Variants in RAB3GAP2 observed in about 807,000 individuals in gnomAD.
RAB3GAP2 encodes the protein rab3 GTPase-activating protein non-catalytic subunit.
Under a neutral mutation model 185.3 loss-of-function variants are expected in RAB3GAP2, and 87 were observed. The observed-to-expected ratio is 0.47, with a 90% CI of 0.39 to 0.56. RAB3GAP2 has a LOEUF of 0.56. Ranked by LOEUF, RAB3GAP2 falls within the 20% of genes least tolerant of loss-of-function variation. RAB3GAP2 has a pLI of 0.00. For synonymous variants in RAB3GAP2, 554 were observed against 576.1 expected, an observed-to-expected ratio of 0.96 and a Z score of 0.55; for missense variants, 1,492 against 1,638.2, an observed-to-expected ratio of 0.91 and a Z score of 1.54.
chr1:220,190,648 C>G (rs11118499), intron 14 of RAB3GAP2, 128 bp from the exon 15 acceptor site: 2 of 914,800 alleles, frequency 2.2e-6, no homozygotes, highest in Non-Finnish European at 3.4e-6. Flanking sequence ...CAACTAAATA[C>G]TGATAGCAAG....
At chr1:220,266,672 C>T in intron 1 of RAB3GAP2, 1 of 1,531,514 alleles carries the variant, frequency 6.5e-7, no homozygotes, top group Non-Finnish European at 9.0e-7. Context: ...TACAGCAGCC[C>T]TGGCTCAAGG....
At chr1:220,182,447 C>T in intron 20 of RAB3GAP2, 93 bp from the exon 21 acceptor site, 1 of 1,565,724 alleles carries the variant, frequency 6.4e-7, no homozygotes, top group Non-Finnish European at 8.6e-7. Flanking sequence ...TCCAGAGAAA[C>T]AAAACATTAT....
At chr1:220,184,276 T>C (rs1658470362) in intron 18 of RAB3GAP2, 113 bp from the exon 19 acceptor site, 2 of 1,012,382 alleles carry the variant, frequency 2.0e-6, no homozygotes, top group South Asian at 1.6e-5. Flanking sequence ...CTCTGATGTA[T>C]TAAATACTGA....
intron 1 of RAB3GAP2, chr1:220,253,983 C>T (rs1361515836): frequency 1.2e-6 from 2 of 1,613,562 alleles, no homozygotes; most frequent in Non-Finnish European, 8.5e-7. Flanking sequence ...AGAAAAGGGC[C>T]CGGGTAGATC....
rs1413455834 is a variant in RAB3GAP2 at position 220,185,679 on chromosome 1, C to CCT, written c.1841_1842insAG (p.Thr615GlyfsTer3). The stretch of plus-strand genomic sequence containing the variant: ...GACTTTTTAAAGTGTCCATTAAAGT[C>CCT]TGAGTGATGTTTCTAAGGCAAGAAA... On this transcript the variant is annotated frameshift_variant, in exon 18 of 35. Transcript: ENST00000358951. LOFTEE classifies it high-confidence loss of function. The CCT allele has an allele frequency of 6.2e-7, 1 of 1,612,126 alleles. No homozygotes were observed. Among genetic ancestry groups the CCT allele is most frequent in the Admixed American group, 1.7e-5 (1 of 59,950 alleles).
At chr1:220,244,071 A>G (rs1659752953) in intron 1 of RAB3GAP2, among the ~76,000 whole-genome samples, 1 of 152,222 alleles carries the variant, frequency 6.6e-6, no homozygotes, top group African/African-American at 2.4e-5. Flanking sequence ...CTAATCAGAC[A>G]AGAGAAAGAA....
rs2102848861 is a variant in RAB3GAP2 at position 220,151,705 on chromosome 1, C to T, written c.3927G>A (p.Gly1309=). ...VLASQLLVLT[G]QRLAHALLHT... ...GGAGAAGCGCATGAGCCAGCCTTTGCCCCGTGAGCACCAGCAGCTGAGAGG... is the reference window on the plus strand; with the variant it reads ...GGAGAAGCGCATGAGCCAGCCTTTGTCCCGTGAGCACCAGCAGCTGAGAGG... Residue 1309 remains glycine, a synonymous_variant, in exon 34 of 35, where the codon GGG becomes GGA. Transcript: ENST00000358951. 6.2e-7 allele frequency: 1 copy of T among 1,611,898 alleles called. No individual in the cohort carries two copies. The highest frequency in any genetic ancestry group is 8.5e-7 in the Non-Finnish European group (1 of 1,177,984).
chr1:220,247,363 T>A (rs1265694217), intron 1 of RAB3GAP2, among the ~76,000 whole-genome samples: 1 of 152,148 alleles, frequency 6.6e-6, no homozygotes, highest in Non-Finnish European at 1.5e-5. Flanking sequence ...TAAGTGCCCA[T>A]CAACCAACAA....
At position 220,157,389 on chromosome 1, in the gene RAB3GAP2, C is replaced by G; in HGVS notation, c.3436G>C (p.Glu1146Gln). Reference protein sequence around the residue: ...GPISIVELALEQKHIHYPLVE... With the variant: ...GPISIVELALQQKHIHYPLVE... Reference sequence around the variant, plus strand: ...AGTGGGTAGTGGATGTGCTTCTGTTCAAGGGCCAGTTCCACTATGGAGATT... The same window carrying G: ...AGTGGGTAGTGGATGTGCTTCTGTTGAAGGGCCAGTTCCACTATGGAGATT... The change falls in exon 31 of 35, where the codon GAA becomes CAA. Residue 1146 changes from glutamate (E) to glutamine (Q), a missense_variant. By Grantham distance (29) the Glu-to-Gln change is conservative. Coordinates refer to ENST00000358951, the MANE Select transcript of RAB3GAP2 (RefSeq NM_012414.4). The G allele has an allele frequency of 6.2e-7, 1 of 1,613,868 alleles. No homozygotes were observed. The highest frequency in any genetic ancestry group is 8.5e-7 in the Non-Finnish European group (1 of 1,179,964).
chr1:220,189,673 C>A, intron 17 of RAB3GAP2, 30 bp downstream of exon 17: 1 of 1,542,440 alleles, frequency 6.5e-7, no homozygotes, highest in Non-Finnish European at 8.8e-7. Flanking sequence ...TAGCTACTAG[C>A]AGGAAAGTTC....
intron 9 of RAB3GAP2, among the ~76,000 whole-genome samples, chr1:220,199,330 AT>A (rs143641770): frequency 0.07 from 10,684 of 152,228 alleles, 510 homozygotes; most frequent in South Asian, 0.14. Flanking sequence ...CTGGGAATCT[AT>A]TTCTTATGCT....
chr1:220,178,247 A>G (rs2102862944), intron 21 of RAB3GAP2, among the ~76,000 whole-genome samples: 1 of 152,310 alleles, frequency 6.6e-6, no homozygotes, highest in Non-Finnish European at 1.5e-5. Flanking sequence ...GAGACAAACG[A>G]AAGCTGAGGG....
intron 29 of RAB3GAP2, 64 bp from the exon 30 acceptor site, chr1:220,157,940 A>G (rs1224500486): frequency 1.6e-6 from 2 of 1,259,250 alleles, no homozygotes; most frequent in East Asian, 2.4e-5. Flanking sequence ...CTGTCAGCCA[A>G]ACAAGAACCA....
chr1:220,184,010 A>G (rs763697036), intron 19 of RAB3GAP2, 26 bp downstream of exon 19: 49 of 1,445,438 alleles, frequency 3.4e-5, no homozygotes, highest in Non-Finnish European at 4.4e-5. Context: ...ATTATTTTAT[A>G]TAATATAAAA....
chr1:220,160,864 C>T (rs1247917357), intron 28 of RAB3GAP2, among the ~76,000 whole-genome samples: 1 of 152,156 alleles, frequency 6.6e-6, no homozygotes, highest in Non-Finnish European at 1.5e-5. Flanking sequence ...CTTTGAGGGC[C>T]AGGACCATAA....
chr1:220,222,512 T>C (rs1374487956), intron 2 of RAB3GAP2, among the ~76,000 whole-genome samples: 1 of 152,156 alleles, frequency 6.6e-6, no homozygotes, highest in African/African-American at 2.4e-5. Flanking sequence ...TCTTTCTAAA[T>C]TTGATTTGAA....
Position 220,272,377 on chromosome 1 carries a change from C to A in RAB3GAP2, c.-40G>T. 1 of 1,425,350 alleles carries A rather than the reference C, an allele frequency of 7.0e-7. No individual in the cohort carries two copies. Among genetic ancestry groups the A allele is most frequent in the Non-Finnish European group, 9.8e-7 (1 of 1,023,288 alleles). The allele number at this position is 1,425,350 out of a possible 1,614,324, so 88.3% of individuals were successfully genotyped here. The stretch of plus-strand genomic sequence containing the variant: ...CCACTACGGCACTCACCTTACCTCA[C>A]CACGCCCTGCCCCCTCCACCCCACT... On this transcript the variant is annotated 5_prime_UTR_variant, in exon 1 of 35. Transcript: ENST00000358951.
At chr1:220,151,920 C>T (rs1355922674) in intron 33 of RAB3GAP2, among the ~76,000 whole-genome samples, 156 bp from the exon 34 acceptor site, 1 of 152,172 alleles carries the variant, frequency 6.6e-6, no homozygotes, top group Non-Finnish European at 1.5e-5. Context: ...CCAAATCAAA[C>T]TTAGCATTTA....
At chr1:220,248,384 TTAAC>T (rs938248748) in intron 1 of RAB3GAP2, among the ~76,000 whole-genome samples, 1 of 152,048 alleles carries the variant, frequency 6.6e-6, no homozygotes, top group African/African-American at 2.4e-5. Context: ...GAAAAAAAAA[TTAAC>T]TATGTAAGGT....
Sources: gnomAD v4.1 joint callset for allele counts (sites outside exome capture counted in the v4.1 genomes callset) on GRCh38, gnomAD v4.1.1 for gene constraint, MANE v1.5 for transcripts, NCBI Gene and HGNC (gene_info 2026-07-23, HGNC 2026-07-21) for gene names.